Variants in ARHGEF3 observed in about 807,000 individuals in gnomAD.
ARHGEF3 encodes the protein 59.8 kDA protein.
Under a neutral mutation model 63.2 loss-of-function variants are expected in ARHGEF3, and 28 were observed. The ratio of observed to expected loss-of-function variants is 0.44; its 90% CI spans 0.33 to 0.61. The LOEUF is 0.61. ARHGEF3 is among the 20% of genes least tolerant of loss of function. The probability of loss-of-function intolerance (pLI) is 0.03; values close to 1 mark genes in which losing one functional copy is unlikely to be tolerated. For synonymous variants in ARHGEF3, 266 were observed against 254.2 expected, an observed-to-expected ratio of 1.05 and a Z score of -0.44; for missense variants, 533 against 659.3, an observed-to-expected ratio of 0.81 and a Z score of 2.10.
Position 56,797,608 on chromosome 3 carries a change from T to C in ARHGEF3, c.96+4095A>G, listed in dbSNP as rs75254345. On this transcript the variant is annotated intron_variant, in intron 1 of 9. Coordinates refer to ENST00000296315, the MANE Select transcript of ARHGEF3 (RefSeq NM_019555.3). ...ATACAGATTCCAAGAAATGTATAGA[T>C]TACTAGAAACCAGTAACCCTCTGGC... Among the ~76,000 whole-genome samples the C allele has an allele frequency of 4.6e-5, 7 of 152,332 alleles. No homozygotes were observed. In the East Asian group the frequency reaches 1.2e-3, roughly 25 times the overall value.
At chr3:57,047,272 G>A (rs149714578) in intron 1 of ARHGEF3, among the ~76,000 whole-genome samples, 1,768 of 152,226 alleles carry the variant, frequency 0.012, 37 homozygotes, top group African/African-American at 0.04. Flanking sequence ...CACTTGAACC[G>A]GGAGGTGGAG....
At chr3:56,970,118 T>G (rs908636109) in intron 2 of ARHGEF3, among the ~76,000 whole-genome samples, 4 of 152,142 alleles carry the variant, frequency 2.6e-5, no homozygotes, top group Non-Finnish European at 5.9e-5. Context: ...TCGATAGTGG[T>G]GATGGGTGCA....
chr3:56,961,028 T>C (rs535231754), intron 2 of ARHGEF3, among the ~76,000 whole-genome samples: 15 of 152,252 alleles, frequency 9.9e-5, no homozygotes, highest in African/African-American at 3.4e-4. Flanking sequence ...CCACAGAAGA[T>C]CACACATAAT....
At chr3:56,767,884 C>A (rs1223865473) in intron 2 of ARHGEF3, among the ~76,000 whole-genome samples, 1 of 151,776 alleles carries the variant, frequency 6.6e-6, no homozygotes, top group Non-Finnish European at 1.5e-5. Context: ...GTAGCTGGGA[C>A]AACAGGTATG....
At chr3:56,904,929 C>T (rs911915056) in intron 3 of ARHGEF3, among the ~76,000 whole-genome samples, 3 of 152,214 alleles carry the variant, frequency 2.0e-5, no homozygotes, top group Non-Finnish European at 4.4e-5. Context: ...AAAACCTCTC[C>T]CATCTAGCTA....
intron 2 of ARHGEF3, among the ~76,000 whole-genome samples, chr3:57,015,212 G>A (rs1322899354): frequency 6.6e-6 from 1 of 152,126 alleles, no homozygotes; most frequent in Non-Finnish European, 1.5e-5. Flanking sequence ...GTAGCCACCT[G>A]CAGACACATG....
intron 1 of ARHGEF3, among the ~76,000 whole-genome samples, chr3:56,784,818 G>T (rs899826066): frequency 6.6e-6 from 1 of 152,168 alleles, no homozygotes; most frequent in Non-Finnish European, 1.5e-5. Context: ...CAACCTGTCT[G>T]GTCAGAGTGC....
At position 57,067,587 on chromosome 3, in the gene ARHGEF3, C is replaced by G. The variant is rs577478825; in HGVS notation, c.-28+11639G>C. On this transcript the variant is annotated intron_variant, in intron 1 of 12. Coordinates refer to the ARHGEF3 transcript ENST00000338458. ...CAGTGGCTCACACCTGTAATCCCAG[C>G]ACACTGGGAGGCTGAGGCCAGAAAA... Among the ~76,000 whole-genome samples the G allele has an allele frequency of 7.9e-5, 12 of 151,092 alleles. No homozygotes were observed. In the East Asian group the frequency reaches 2.3e-3, roughly 29 times the overall value.
At chr3:56,805,096 G>C (rs904817583), upstream of ARHGEF3, among the ~76,000 whole-genome samples, 1 of 152,160 alleles carries the variant, frequency 6.6e-6, no homozygotes, top group African/African-American at 2.4e-5. Flanking sequence ...TATACTTACA[G>C]CACTTGGTGA....
At chr3:57,012,717 G>A (rs1579085408) in intron 2 of ARHGEF3, among the ~76,000 whole-genome samples, 1 of 152,242 alleles carries the variant, frequency 6.6e-6, no homozygotes, top group South Asian at 2.1e-4. Flanking sequence ...ATAGTGAGAG[G>A]TGACAGTGTG....
intron 3 of ARHGEF3, among the ~76,000 whole-genome samples, chr3:56,948,621 A>G (rs1406007620): frequency 6.6e-6 from 1 of 152,216 alleles, no homozygotes; most frequent in Non-Finnish European, 1.5e-5. Context: ...AGGCTCTGAA[A>G]TTGAGGCAAT....
chr3:56,823,871 C>T (rs1050339717), intron 4 of ARHGEF3, among the ~76,000 whole-genome samples: 3 of 151,482 alleles, frequency 2.0e-5, no homozygotes, highest in African/African-American at 7.3e-5. Context: ...TTTGTCAGTA[C>T]CTGTCACCAA....
intron 4 of ARHGEF3, among the ~76,000 whole-genome samples, chr3:56,879,816 A>G (rs1345033566): frequency 6.6e-6 from 1 of 152,242 alleles, no homozygotes; most frequent in Non-Finnish European, 1.5e-5. Context: ...TTTACTTATT[A>G]GAGCAATTAA....
At chr3:56,760,317 C>T (rs2035346710) in intron 2 of ARHGEF3, among the ~76,000 whole-genome samples, 2 of 151,098 alleles carry the variant, frequency 1.3e-5, no homozygotes, top group Admixed American at 6.6e-5. Flanking sequence ...AACAACTATA[C>T]CTTAATTTCA....
intron 4 of ARHGEF3, among the ~76,000 whole-genome samples, chr3:56,826,832 C>A (rs1255567650): frequency 2.0e-5 from 3 of 152,164 alleles, no homozygotes; most frequent in Non-Finnish European, 1.5e-5. Context: ...TGCTTTTTTG[C>A]TTAAATGAAA....
chr3:56,811,610 G>C (rs1019495340), intron 4 of ARHGEF3, among the ~76,000 whole-genome samples: 10 of 152,168 alleles, frequency 6.6e-5, no homozygotes, highest in African/African-American at 2.2e-4. Context: ...CTTTGGTTAA[G>C]TGGGAGCTGA....
At chr3:56,790,732 C>G (rs1444668628) in intron 1 of ARHGEF3, among the ~76,000 whole-genome samples, 1 of 152,206 alleles carries the variant, frequency 6.6e-6, no homozygotes, top group Non-Finnish European at 1.5e-5. Flanking sequence ...TTGCCCTGGC[C>G]TTGGGTTCAG....
intron 3 of ARHGEF3, among the ~76,000 whole-genome samples, chr3:56,913,851 A>C (rs1005164774): frequency 2.0e-5 from 3 of 152,230 alleles, no homozygotes; most frequent in Non-Finnish European, 4.4e-5. Flanking sequence ...TGTTTATAGC[A>C]ACACAATTCG....
At chr3:56,746,389 G>T (rs1396082931) in intron 6 of ARHGEF3, among the ~76,000 whole-genome samples, 1 of 152,154 alleles carries the variant, frequency 6.6e-6, no homozygotes, top group Non-Finnish European at 1.5e-5. Flanking sequence ...CATGTTTAAT[G>T]GATTACAAGA....
Sources: allele counts gnomAD v4.1 joint callset (sites outside exome capture counted in the v4.1 genomes callset), GRCh38; gene constraint gnomAD v4.1.1; transcripts MANE v1.5; gene names NCBI Gene and HGNC (gene_info 2026-07-23, HGNC 2026-07-21).